MINK1: variants seen among roughly 807,000 people sequenced by gnomAD.
MINK1 encodes the protein misshapen-like kinase 1.
Under a neutral mutation model 178.4 loss-of-function variants are expected in MINK1, and 46 were observed. The observed-to-expected ratio is 0.26, with a 90% CI of 0.20 to 0.33. MINK1 has a LOEUF of 0.33. MINK1 is among the 10% of genes least tolerant of loss of function. MINK1 has a pLI of 1.00. For synonymous variants in MINK1, 797 were observed against 709.7 expected (o/e 1.12, Z -1.96); for missense variants, 1,366 against 1,814.9 (o/e 0.75, Z 4.49).
intron 1 of MINK1, chr17:4,860,914 A>G (rs1914071662): frequency 2.3e-6 from 1 of 442,580 alleles, no homozygotes; most frequent in Non-Finnish European, 4.6e-6. Context: ...AAATAGTTAA[A>G]GGGGGATTTA....
At chr17:4,857,469 T>TTG (rs1021172273) in intron 1 of MINK1, 2 of 142,442 alleles carry the variant, frequency 1.4e-5, no homozygotes, top group African/African-American at 5.3e-5. Flanking sequence ...TTTTTTTTTT[T>TTG]TTTTTTTTTT....
chr17:4,860,006 G>A (rs750781433), intron 1 of MINK1, among the ~76,000 whole-genome samples: 8 of 152,010 alleles, frequency 5.3e-5, no homozygotes, highest in Admixed American at 2.0e-4. Context: ...GGGGTACAGA[G>A]GGAAGGGGCG....
Position 4,894,786 on chromosome 17 carries a change from G to C in MINK1, c.2917+153G>C. The C allele has an allele frequency of 1.5e-6, 1 of 665,876 alleles. No individual in the cohort carries two copies. Among genetic ancestry groups the C allele is most frequent in the Non-Finnish European group, 2.6e-6 (1 of 386,362 alleles). 41.2% of individuals were successfully genotyped at this position (665,876 alleles called of 1,614,324 possible). ...TGCCTGGGCACAGAGGCAAGGAAGA[G>C]CCTCTGAGACCCCTCCTTCCTGTCC... On this transcript the variant is annotated intron_variant, in intron 24 of 31. Transcript: ENST00000355280. The surrounding 1 kb of genome is among the most constrained non-coding windows in gnomAD (Gnocchi z 4.1).
intron 19 of MINK1, 21 bp downstream of exon 19, chr17:4,892,789 C>G (rs774688296): frequency 1.6e-5 from 25 of 1,578,126 alleles, no homozygotes; most frequent in Non-Finnish European, 2.1e-5. Context: ...CAGGGCTGGG[C>G]AGCCTGCTCT....
chr17:4,873,087 C>T (rs374143017), intron 1 of MINK1, among the ~76,000 whole-genome samples: 1 of 152,142 alleles, frequency 6.6e-6, no homozygotes, highest in African/African-American at 2.4e-5. Flanking sequence ...CTGCCGCATT[C>T]GAGGCCATCA....
intron 1 of MINK1, chr17:4,875,090 C>T (rs748551192): frequency 9.6e-5 from 50 of 519,944 alleles, no homozygotes; most frequent in Admixed American, 5.2e-4. Flanking sequence ...GAAAGGACTT[C>T]GCAGCAGTCA....
Position 4,885,417 on chromosome 17 carries a change from C to T in MINK1, c.509-66C>T. On this transcript the variant is annotated intron_variant, in intron 6 of 31. Transcript: ENST00000355280. The surrounding 1 kb of genome is among the most constrained non-coding windows in gnomAD (Gnocchi z 5.0). ...CTCAGGCAAGTCCTGTGTGTGCACG[C>T]AGGGATGTGAGGCAAGGGAGCAGAG... 2.5e-5 allele frequency: 40 copies of T among 1,588,108 alleles called. No individual in the cohort carries two copies. The highest frequency in any genetic ancestry group is 3.3e-5 in the Non-Finnish European group (38 of 1,165,356).
chr17:4,891,840 C>T (rs1968850125), intron 16 of MINK1, 124 bp downstream of exon 16: 1 of 1,360,608 alleles, frequency 7.3e-7, no homozygotes, highest in Non-Finnish European at 9.7e-7. Flanking sequence ...AGCCAGGGCG[C>T]TGCCCTGCCG....
chr17:4,845,040 C>A (rs939210015), intron 1 of MINK1, among the ~76,000 whole-genome samples: 2 of 152,160 alleles, frequency 1.3e-5, no homozygotes, highest in Non-Finnish European at 2.9e-5. Flanking sequence ...CAGCCCCTGG[C>A]ACCCACCATT....
Position 4,886,761 on chromosome 17 carries a change from T to C in MINK1, c.949+135T>C. 1.9e-6 allele frequency: 2 copies of C among 1,064,756 alleles called. No individual in the cohort carries two copies. The highest frequency in any genetic ancestry group is 2.6e-6 in the Non-Finnish European group (2 of 764,390). The allele number at this position is 1,064,756 out of a possible 1,614,324, so 66.0% of individuals were successfully genotyped here. A position where few individuals can be genotyped will look rare whatever the true frequency, so the allele number is the denominator to read the frequency against. On this transcript the variant is annotated intron_variant, in intron 10 of 31. Transcript: ENST00000355280. The surrounding 1 kb of genome is among the most constrained non-coding windows in gnomAD (Gnocchi z 6.1). ...AGCTCTCCCTGTCCAAGGAGATCGT[T>C]CTCAAACTTGCAACCCCCAAGGGGT...
rs1914208498 is a variant in MINK1 at position 4,861,780 on chromosome 17, G to A, written c.58-16537G>A. ...CCTCCCAAGGTGCTGGGATTACAGG[G>A]TGAGCCACCATGCCCGGCCCAACCA... is the stretch of plus-strand genomic sequence containing the variant. On this transcript the variant is annotated intron_variant, in intron 1 of 31. Coordinates refer to ENST00000355280, the MANE Select transcript of MINK1 (RefSeq NM_153827.5). The A allele has an allele frequency of 2.3e-5, 4 of 173,146 alleles. No homozygotes were observed. In the South Asian group the frequency reaches 3.4e-4, roughly 15 times the overall value. The allele number at this position is 173,146 out of a possible 1,614,324, so 10.7% of individuals were successfully genotyped here.
chr17:4,891,154 A>C, intron 15 of MINK1, 30 bp downstream of exon 15: 1 of 1,479,644 alleles, frequency 6.8e-7, no homozygotes, highest in Non-Finnish European at 9.0e-7. Flanking sequence ...TGTCTTAATG[A>C]AGACACAGGG....
intron 1 of MINK1, among the ~76,000 whole-genome samples, chr17:4,851,770 G>A (rs931754093): frequency 7.2e-5 from 11 of 152,038 alleles, no homozygotes; most frequent in African/African-American, 2.7e-4. Flanking sequence ...GGAGGCCAAG[G>A]TGGGTGGATC....
chr17:4,835,273 C>G (rs779109263), intron 1 of MINK1, among the ~76,000 whole-genome samples: 2 of 152,114 alleles, frequency 1.3e-5, no homozygotes, highest in African/African-American at 4.8e-5. Context: ...TCCTTCCTAC[C>G]TTGGTTATTG....
At chr17:4,854,417 C>A (rs918553046) in intron 1 of MINK1, among the ~76,000 whole-genome samples, 9 of 152,200 alleles carry the variant, frequency 5.9e-5, no homozygotes, top group African/African-American at 1.9e-4. Context: ...CAAAATTACC[C>A]TTTGAGAGGA....
At chr17:4,893,141 G>T in intron 20 of MINK1, 74 bp downstream of exon 20, 1 of 1,506,726 alleles carries the variant, frequency 6.6e-7, no homozygotes, top group Non-Finnish European at 9.0e-7. Flanking sequence ...TGGGTGTCAG[G>T]GGTGGGGTCT....
intron 5 of MINK1, 105 bp from the exon 6 acceptor site, chr17:4,884,807 G>T (rs1022110962): frequency 2.0e-6 from 2 of 995,094 alleles, no homozygotes; most frequent in African/African-American, 1.6e-5. Flanking sequence ...CTTCAGCCCA[G>T]CCCTGTCCAG....
rs200357096 is a variant in MINK1, at chr17:4,891,097, G to C, written c.1713G>C (p.Pro571=). ...PLSQTPPMQR[P]VEPQEGPHKS... ...CCCAGACTCCTCCTATGCAGAGGCC[G>C]GTGGAGCCCCAGGAGGGACCGCACA... Residue 571 remains proline, a synonymous_variant, in exon 15 of 32, where the codon CCG becomes CCC. Transcript: ENST00000355280. 4 of 1,547,760 alleles carry C rather than the reference G, an allele frequency of 2.6e-6. No individual in the cohort carries two copies. The highest frequency in any genetic ancestry group is 1.2e-5 in the South Asian group (1 of 83,670).
intron 1 of MINK1, chr17:4,844,711 G>A (rs974786486): frequency 6.5e-5 from 22 of 336,106 alleles, no homozygotes; most frequent in Non-Finnish European, 1.2e-4. Context: ...TGATGAAGAG[G>A]ACATGCAGAA....
Sources: gnomAD v4.1 joint callset for allele counts (sites outside exome capture counted in the v4.1 genomes callset) on GRCh38, gnomAD v4.1.1 for gene constraint, Gnocchi (gnomAD v3.1) non-coding constraint, MANE v1.5 for transcripts, NCBI Gene and HGNC (gene_info 2026-07-23, HGNC 2026-07-21) for gene names.